The following BUB3 variants were observed in gnomAD, a reference collection of about 807,000 sequenced individuals.
The protein encoded by BUB3 is mitotic checkpoint protein BUB3.
In BUB3, 22 loss-of-function variants were observed where a neutral mutation model predicts 39.9. That is an observed-to-expected ratio of 0.55 (90% CI 0.39 to 0.79). BUB3 has a LOEUF of 0.79. BUB3 is among the 30% of genes least tolerant of loss of function. The pLI is 0.00. For synonymous variants in BUB3, 168 were observed against 155.1 expected, an observed-to-expected ratio of 1.08 and a Z score of -0.62; for missense variants, 303 against 415.4, an observed-to-expected ratio of 0.73 and a Z score of 2.35.
rs1212958309 is a variant in BUB3 at position 123,162,456 on chromosome 10, T to C, written c.754+43T>C. 5.0e-6 allele frequency: 8 copies of C among 1,593,566 alleles called. No homozygotes were observed. In the South Asian group the frequency reaches 6.8e-5, roughly 13 times the overall value. On this transcript the variant is annotated intron_variant, in intron 6 of 7. Transcript: ENST00000368865. ...GACCTATATTTAATTATTATACTAT[T>C]TGGTGCTTGCTTTTTATGGTATTTA...
intron 4 of BUB3, among the ~76,000 whole-genome samples, chr10:123,159,210 A>ATT (rs1032307036): frequency 3.9e-5 from 6 of 152,082 alleles, no homozygotes; most frequent in African/African-American, 1.2e-4. Context: ...GGTCACATTA[A>ATT]TTGTTGAATT....
intron 3 of BUB3, among the ~76,000 whole-genome samples, chr10:123,156,257 A>G (rs190358159): frequency 6.6e-6 from 1 of 152,362 alleles, no homozygotes; most frequent in East Asian, 1.9e-4. Context: ...AATTTCTTAG[A>G]GATCCAGATA....
intron 5 of BUB3, 77 bp downstream of exon 5, chr10:123,160,642 C>A: frequency 7.9e-7 from 1 of 1,271,578 alleles, no homozygotes; most frequent in Non-Finnish European, 1.0e-6. Flanking sequence ...TGGCCACTAG[C>A]CCCTAAAGCC....
chr10:123,162,146 A>C (rs1844432030), intron 5 of BUB3, 90 bp from the exon 6 acceptor site: 1 of 1,125,056 alleles, frequency 8.9e-7, no homozygotes, highest in Admixed American at 2.1e-5. Flanking sequence ...TGAAATAATC[A>C]CTCTTTAGTG....
chr10:123,155,943 G>A (rs1844343410), intron 3 of BUB3, among the ~76,000 whole-genome samples: 1 of 152,096 alleles, frequency 6.6e-6, no homozygotes. Flanking sequence ...AGTTATGGTC[G>A]CCATTGTCAG....
Position 123,155,031 on chromosome 10 carries a change from C to G in BUB3, c.114C>G (p.Ser38=), listed in dbSNP as rs771414844. Residue 38 remains serine (S), a synonymous_variant, in exon 2 of 8, where the codon TCC becomes TCG. Transcript: ENST00000368865. ...TGCTTGTCTCCTCCTGGGACACGTC[C>G]GTGCGTCTCTACGATGTGCCGGCCA... The part of the protein sequence containing the change: ...QFLLVSSWDT[S]VRLYDVPANS... The G allele has an allele frequency of 3.1e-6, 5 of 1,614,198 alleles. No homozygotes were observed. The East Asian group carries it at 8.9e-5, about 29-fold the overall frequency.
In BUB3 at chr10:123,166,404, G is replaced by A. The variant is rs1844493217; in HGVS notation, c.*2569G>A. On this transcript the variant is annotated 3_prime_UTR_variant, in exon 8 of 8. Coordinates refer to ENST00000368865, the MANE Select transcript of BUB3 (RefSeq NM_004725.4). ...GGTCAGTATATTATACATGACAGAA[G>A]GATCCTGAAATATGACTTGCCCTTC... The A allele has an allele frequency of 6.6e-6, 1 of 152,118 alleles. No homozygotes were observed. Among genetic ancestry groups the A allele is most frequent in the Non-Finnish European group, 1.5e-5 (1 of 68,028 alleles). The allele number at this position is 152,118 out of a possible 1,614,324, so 9.4% of individuals were successfully genotyped here.
At position 123,166,208 on chromosome 10, in the gene BUB3, C is replaced by A. The variant is rs1844490772; in HGVS notation, c.*2373C>A. The A allele has an allele frequency of 1.3e-5, 2 of 152,176 alleles. No homozygotes were observed. The highest frequency in any genetic ancestry group is 4.8e-5 in the African/African-American group (2 of 41,430). 9.4% of individuals were successfully genotyped at this position (152,176 alleles called of 1,614,324 possible). ...TCCCTCACCCACATTCTTTAAGTGTCTCTTCTGTTTATCTTTTCTTCCTAC... is the reference window on the plus strand; with the variant it reads ...TCCCTCACCCACATTCTTTAAGTGTATCTTCTGTTTATCTTTTCTTCCTAC... On this transcript the variant is annotated 3_prime_UTR_variant, in exon 8 of 8. Transcript: ENST00000368865.
chr10:123,167,420 G>A lies in BUB3; in HGVS notation c.*3585G>A, dbSNP rs530495064. On this transcript the variant is annotated 3_prime_UTR_variant, in exon 8 of 8. Transcript: ENST00000368865. ...AACACGTATGAAACACCTCCTGCTT[G>A]TATACCTTTAGCAGTAGTTCCTCAT... 1.3e-5 allele frequency: 2 copies of A among 152,224 alleles called. No homozygotes were observed. Among genetic ancestry groups the A allele is most frequent in the Admixed American group, 6.5e-5 (1 of 15,286 alleles). 9.4% of individuals were successfully genotyped at this position (152,224 alleles called of 1,614,324 possible).
intron 5 of BUB3, among the ~76,000 whole-genome samples, chr10:123,161,735 A>G (rs1844426177): frequency 6.6e-6 from 1 of 152,236 alleles, no homozygotes; most frequent in African/African-American, 2.4e-5. Flanking sequence ...TGTCCCTGAA[A>G]GTCTTTGTGC....
intron 4 of BUB3, 72 bp from the exon 5 acceptor site, chr10:123,160,335 C>A (rs1844404789): frequency 2.9e-6 from 4 of 1,386,676 alleles, no homozygotes; most frequent in Non-Finnish European, 3.8e-6. Context: ...ATCAGATGGA[C>A]TTTATTTTGG....
In BUB3 at chr10:123,155,062, A is replaced by T. The variant is rs758572057; in HGVS notation, c.145A>T (p.Met49Leu). 2.5e-6 allele frequency: 4 copies of T among 1,614,110 alleles called. No homozygotes were observed. Among genetic ancestry groups the T allele is most frequent in the Admixed American group, 1.7e-5 (1 of 60,022 alleles). Reference protein sequence around the residue: ...VRLYDVPANSMRLKYQHTGAV... With the variant: ...VRLYDVPANSLRLKYQHTGAV... ...TCTCTACGATGTGCCGGCCAACTCC[A>T]TGCGGCTCAAGTACCAGCACACCGG... is the stretch of plus-strand genomic sequence containing the variant. The change falls in exon 2 of 8, where the codon ATG becomes TTG. Residue 49 changes from methionine to leucine, a missense_variant. Met to Leu is a conservative substitution (Grantham distance 15, BLOSUM62 2). Transcript: ENST00000368865.
rs1461177832 is a variant in BUB3, at chr10:123,169,996, G to T, written c.*6161G>T. 6.6e-6 allele frequency: 1 copy of T among 152,216 alleles called. No homozygotes were observed. The highest frequency in any genetic ancestry group is 1.5e-5 in the Non-Finnish European group (1 of 68,044). 9.4% of individuals were successfully genotyped at this position (152,216 alleles called of 1,614,324 possible). ...AACCTGAGTGCGGGAGGTTGAGGTT[G>T]CAGTGAGCTGAAGTTGCACCACTGC... is the stretch of plus-strand genomic sequence containing the variant. On this transcript the variant is annotated 3_prime_UTR_variant, in exon 8 of 8. Coordinates refer to ENST00000368865, the MANE Select transcript of BUB3 (RefSeq NM_004725.4).
rs139142644 is a variant in BUB3, at chr10:123,154,991, A to G, written c.74A>G (p.Asn25Ser). 2 of 1,613,894 alleles carry G rather than the reference A, an allele frequency of 1.2e-6. No individual in the cohort carries two copies. The highest frequency in any genetic ancestry group is 2.2e-5 in the East Asian group (1 of 44,864). ...DGISSVKFSP[N>S]TSQFLLVSSW... ...ATCTCCTCCGTGAAGTTCAGCCCCA[A>G]CACCTCCCAGTTCCTGCTTGTCTCC... Residue 25 changes from asparagine (N) to serine (S), a missense_variant, in exon 2 of 8, where the codon AAC (asparagine) becomes AGC (serine). This residue lies in a region of BUB3 where 121 missense variants were observed against 122.3 expected (regional missense o/e 0.99). Transcript: ENST00000368865.
At position 123,155,717 on chromosome 10, in the gene BUB3, C is replaced by T. The variant is rs1844341160; in HGVS notation, c.255C>T (p.Asn85=). The part of the protein sequence containing the change: ...LDHQLKMHDL[N]TDQENLVGTH... ...ATCAATTGAAAATGCATGATTTGAA[C>T]ACTGATCAAGGTAATGTGACCATAT... Residue 85 remains asparagine, a synonymous_variant, in exon 3 of 8, where the codon AAC becomes AAT. Transcript: ENST00000368865. 1 of 1,613,812 alleles carries T rather than the reference C, an allele frequency of 6.2e-7. No homozygotes were observed. The highest frequency in any genetic ancestry group is 8.5e-7 in the Non-Finnish European group (1 of 1,179,718).
At chr10:123,161,952 C>T (rs982949055) in intron 5 of BUB3, among the ~76,000 whole-genome samples, 6 of 152,168 alleles carry the variant, frequency 3.9e-5, no homozygotes, top group African/African-American at 1.4e-4. Flanking sequence ...AAATAAGCGA[C>T]ACTAAAACAC....
intron 4 of BUB3, among the ~76,000 whole-genome samples, chr10:123,159,291 A>G (rs1480851957): frequency 6.6e-6 from 1 of 152,192 alleles, no homozygotes; most frequent in East Asian, 1.9e-4. Flanking sequence ...AGCTGATGGT[A>G]TGTGGTTAAC....
At position 123,160,638 on chromosome 10, in the gene BUB3, C is replaced by T. The variant is rs1476610871; in HGVS notation, c.576+73C>T. ...ATCTTATATTATAATGATTTGGCCACTAGCCCCTAAAGCCTTCTTTTTTTT... is the reference window on the plus strand; with the variant it reads ...ATCTTATATTATAATGATTTGGCCATTAGCCCCTAAAGCCTTCTTTTTTTT... On this transcript the variant is annotated intron_variant, in intron 5 of 7. Coordinates refer to ENST00000368865, the MANE Select transcript of BUB3 (RefSeq NM_004725.4). 50 of 1,317,374 alleles carry T rather than the reference C, an allele frequency of 3.8e-5. No homozygotes were observed. In the East Asian group the frequency reaches 1.3e-3, roughly 33 times the overall value. 81.6% of individuals were successfully genotyped at this position (1,317,374 alleles called of 1,614,324 possible).
intron 7 of BUB3, chr10:123,163,087 A>T (rs1844447118): frequency 4.6e-6 from 2 of 435,368 alleles, no homozygotes; most frequent in Non-Finnish European, 8.1e-6. Flanking sequence ...CTATTATTTG[A>T]ATCTCTGGAG....
Sources: allele counts gnomAD v4.1 joint callset (sites outside exome capture counted in the v4.1 genomes callset), GRCh38; gene constraint gnomAD v4.1.1; regional missense constraint gnomAD v4.1.1; transcripts MANE v1.5; gene names NCBI Gene and HGNC (gene_info 2026-07-23, HGNC 2026-07-21).